CDH10: variants seen among roughly 807,000 people sequenced by gnomAD.
CDH10 encodes cadherin-10.
A neutral mutation model predicts 73.1 loss-of-function variants in CDH10; 30 were observed. That is an observed-to-expected ratio of 0.41 (90% confidence interval 0.31 to 0.56). CDH10 has a LOEUF of 0.56. Among genes scored for constraint, CDH10 ranks in the 20% least tolerant of loss-of-function variants. The pLI is 0.27. For missense variants in CDH10, 815 were observed against 973.7 expected, an observed-to-expected ratio of 0.84 and a Z score of 2.17; for synonymous variants, 345 against 348.2, an observed-to-expected ratio of 0.99 and a Z score of 0.10.
At chr5:24,569,421 C>A (rs79409443) in intron 2 of CDH10, among the ~76,000 whole-genome samples, 2,201 of 151,954 alleles carry the variant, frequency 0.014, 61 homozygotes, top group African/African-American at 0.051. Flanking sequence ...TAAAATAAAT[C>A]ATAGGAATTT....
chr5:24,502,103 T>C (rs963123858), intron 8 of CDH10, among the ~76,000 whole-genome samples: 2 of 151,982 alleles, frequency 1.3e-5, no homozygotes, highest in Non-Finnish European at 1.5e-5. Flanking sequence ...TGTATTTTTT[T>C]AGTAGAGAAG....
chr5:24,566,333 C>A (rs948897567), intron 2 of CDH10, among the ~76,000 whole-genome samples: 1 of 152,124 alleles, frequency 6.6e-6, no homozygotes, highest in Non-Finnish European at 1.5e-5. Context: ...CAGGAGTGAG[C>A]CACCACTCCC....
At chr5:24,515,916 AAT>A (rs1743093181) in intron 5 of CDH10, among the ~76,000 whole-genome samples, 1 of 152,108 alleles carries the variant, frequency 6.6e-6, no homozygotes, top group African/African-American at 2.4e-5. Flanking sequence ...TCCCCTGAGC[AAT>A]CTCTTTCGCC....
intron 2 of CDH10, among the ~76,000 whole-genome samples, chr5:24,544,009 T>C (rs1156474249): frequency 2.0e-5 from 3 of 152,028 alleles, no homozygotes; most frequent in African/African-American, 7.2e-5. Flanking sequence ...CCTTCAAAAG[T>C]GGAAGGCCGG....
chr5:24,603,289 G>A (rs1420078435), intron 1 of CDH10, among the ~76,000 whole-genome samples: 1 of 152,008 alleles, frequency 6.6e-6, no homozygotes, highest in African/African-American at 2.4e-5. Context: ...TATATATGTA[G>A]AATATAAAGA....
intron 5 of CDH10, among the ~76,000 whole-genome samples, chr5:24,517,181 T>A (rs976375212): frequency 6.6e-6 from 1 of 152,152 alleles, no homozygotes; most frequent in Non-Finnish European, 1.5e-5. Flanking sequence ...AGCAACACTA[T>A]AACATTTGAA....
chr5:24,570,332 G>A (rs1211945616), intron 2 of CDH10, among the ~76,000 whole-genome samples: 1 of 152,108 alleles, frequency 6.6e-6, no homozygotes, highest in East Asian at 1.9e-4. Flanking sequence ...CAAGGATAGA[G>A]CGTTACTACA....
chr5:24,554,357 T>C (rs1744681930), intron 2 of CDH10, among the ~76,000 whole-genome samples: 1 of 152,040 alleles, frequency 6.6e-6, no homozygotes, highest in Non-Finnish European at 1.5e-5. Flanking sequence ...ATGAGTATAA[T>C]GTATATAAAA....
chr5:24,510,361 A>G (rs971473085), intron 6 of CDH10, among the ~76,000 whole-genome samples: 1 of 152,218 alleles, frequency 6.6e-6, no homozygotes, highest in Non-Finnish European at 1.5e-5. Context: ...AAAAATTTTG[A>G]TAGTAATTTG....
Position 24,571,845 on chromosome 5 carries a change from C to T in CDH10, c.231+21415G>A, listed in dbSNP as rs60026325. On this transcript the variant is annotated intron_variant, in intron 2 of 11. Coordinates refer to ENST00000264463, the MANE Select transcript of CDH10 (RefSeq NM_006727.5). Reference sequence around the variant, plus strand: ...ACCATACCCGATTTAAAACTACCCCCATGACCTCAGCTGGGCATGTAAAAA... The same window carrying T: ...ACCATACCCGATTTAAAACTACCCCTATGACCTCAGCTGGGCATGTAAAAA... 5.0e-3 allele frequency among the ~76,000 whole-genome samples: 759 copies of T among 152,146 alleles called. 8 individuals are homozygous for T. The highest frequency in any genetic ancestry group is 0.018 in the African/African-American group (740 of 41,474).
Position 24,593,428 on chromosome 5 carries a change from A to G in CDH10, c.63T>C (p.Ser21=). The G allele has an allele frequency of 6.2e-7, 1 of 1,612,464 alleles. No individual in the cohort carries two copies. Among genetic ancestry groups the G allele is most frequent in the Non-Finnish European group, 8.5e-7 (1 of 1,178,718 alleles). The change falls in exon 2 of 12, where the codon TCT becomes TCC. Residue 21 remains serine (S), a synonymous_variant. Transcript: ENST00000264463. ...LFWVCLPHFC[S]PEIMFRRTPV... is the part of the protein sequence containing the mutation. The stretch of plus-strand genomic sequence containing the variant: ...GCGTCCTTCTGAACATTATTTCTGG[A>G]GAGCAGAAATGTGGCAGGCATACCC...
chr5:24,565,068 C>T (rs917058197), intron 2 of CDH10, among the ~76,000 whole-genome samples: 2 of 152,146 alleles, frequency 1.3e-5, no homozygotes, highest in African/African-American at 4.8e-5. Context: ...GCCTCCTTTA[C>T]CCTAATTTAG....
intron 2 of CDH10, among the ~76,000 whole-genome samples, chr5:24,556,519 A>T (rs1910964): frequency 0.83 from 125,815 of 151,706 alleles, 52,223 homozygotes; most frequent in East Asian, 0.9. Context: ...ATTTTTTACC[A>T]GTTATTTTAT....
chr5:24,554,102 G>A lies in CDH10; in HGVS notation c.232-16428C>T, dbSNP rs1285011347. ...AGGAGAGACAGAGAGAGAGAGAAGGGGAGGTGGGCGGGGGGGGGAGAGAGA... is the reference window on the plus strand; with the variant it reads ...AGGAGAGACAGAGAGAGAGAGAAGGAGAGGTGGGCGGGGGGGGGAGAGAGA... On this transcript the variant is annotated intron_variant, in intron 2 of 11. Coordinates refer to ENST00000264463, the MANE Select transcript of CDH10 (RefSeq NM_006727.5). The A allele has an allele frequency of 3.7e-3, 158 of 43,226 alleles. 10 individuals carry two copies. The highest frequency in any genetic ancestry group is 4.4e-3 in the Non-Finnish European group (89 of 20,336). The allele number at this position is 43,226 out of a possible 1,614,324, so 2.7% of individuals were successfully genotyped here.
chr5:24,596,078 TTTTGAACAATGACACGGTTAAATAAAA>T (rs1390374622), intron 1 of CDH10, among the ~76,000 whole-genome samples: 7 of 152,046 alleles, frequency 4.6e-5, no homozygotes, highest in Non-Finnish European at 7.4e-5. Flanking sequence ...GACAAAAACA[TTTTGAACAATGACACGGTTAAATAAAA>T]ATAGAAAATT....
At chr5:24,556,764 T>C (rs1744782549) in intron 2 of CDH10, among the ~76,000 whole-genome samples, 3 of 151,958 alleles carry the variant, frequency 2.0e-5, no homozygotes, top group African/African-American at 4.8e-5. Flanking sequence ...ATATTTAATA[T>C]AGCTGTATTA....
rs1442921268 is a variant in CDH10 at position 24,491,736 on chromosome 5, A to G, written c.1716T>C (p.Asp572=). 1 of 1,613,588 alleles carries G rather than the reference A, an allele frequency of 6.2e-7. No homozygotes were observed. Among genetic ancestry groups the G allele is most frequent in the Admixed American group, 1.7e-5 (1 of 60,010 alleles). The stretch of plus-strand genomic sequence containing the variant: ...TGCCTGTGCTGCTCTGAATTGGGTA[A>G]TCATTGTCTGATATCACCACAGGCA... The part of the protein sequence containing the change: ...YLLPVVISDN[D]YPIQSSTGTL... Residue 572 remains aspartate, a synonymous_variant, in exon 11 of 12, where the codon GAT becomes GAC. Coordinates refer to ENST00000264463, the MANE Select transcript of CDH10 (RefSeq NM_006727.5).
intron 4 of CDH10, among the ~76,000 whole-genome samples, 200 bp downstream of exon 4, chr5:24,535,503 A>G (rs987788450): frequency 6.6e-6 from 1 of 152,000 alleles, no homozygotes; most frequent in African/African-American, 2.4e-5. Context: ...GCCTATGCTT[A>G]TATGTTCAAA....
At chr5:24,586,991 C>T (rs1036528667) in intron 2 of CDH10, among the ~76,000 whole-genome samples, 4 of 151,344 alleles carry the variant, frequency 2.6e-5, no homozygotes, top group Non-Finnish European at 5.9e-5. Context: ...ACTACAGGCG[C>T]CCGCCACCGT....
Sources: allele counts gnomAD v4.1 joint callset (sites outside exome capture counted in the v4.1 genomes callset), GRCh38; gene constraint gnomAD v4.1.1; transcripts MANE v1.5; gene names NCBI Gene and HGNC (gene_info 2026-07-23, HGNC 2026-07-21).